The following CRYZ variants were observed in gnomAD, a reference collection of about 807,000 sequenced individuals.
The protein encoded by CRYZ is zeta-crystallin.
Under a neutral mutation model 34.1 loss-of-function variants are expected in CRYZ, and 35 were observed. That is an observed-to-expected ratio of 1.03 (90% CI 0.78 to 1.36). The LOEUF (loss-of-function observed/expected upper bound fraction) is 1.36. CRYZ is among the 40% of genes most tolerant of loss of function. CRYZ has a pLI of 0.00. For missense variants in CRYZ, 403 were observed against 391.8 expected (o/e 1.03, Z -0.24); for synonymous variants, 137 against 136.5 (o/e 1.00, Z -0.03).
chr1:74,729,630 G>C (rs571076316), intron 1 of CRYZ, among the ~76,000 whole-genome samples: 2 of 146,284 alleles, frequency 1.4e-5, no homozygotes, highest in Non-Finnish European at 3.0e-5. Context: ...CTGGGTGACA[G>C]AGTGAGACCC....
At chr1:74,721,672 T>C (rs915735403) in intron 3 of CRYZ, among the ~76,000 whole-genome samples, 6 of 152,172 alleles carry the variant, frequency 3.9e-5, no homozygotes, top group Non-Finnish European at 8.8e-5. Context: ...AAAACAGTTC[T>C]AGTAAGGGAA....
intron 4 of CRYZ, among the ~76,000 whole-genome samples, chr1:74,717,019 G>A (rs1479929818): frequency 6.6e-6 from 1 of 152,054 alleles, no homozygotes; most frequent in East Asian, 1.9e-4. Flanking sequence ...ATTGTGAAAA[G>A]TGACGCAATC....
chr1:74,729,932 G>A (rs1471084570), intron 1 of CRYZ, among the ~76,000 whole-genome samples: 1 of 151,928 alleles, frequency 6.6e-6, no homozygotes, highest in African/African-American at 2.4e-5. Context: ...GCCCCACCCT[G>A]CCCCTAGCTT....
At chr1:74,724,239 G>A (rs1047651481) in intron 2 of CRYZ, among the ~76,000 whole-genome samples, 3 of 152,140 alleles carry the variant, frequency 2.0e-5, no homozygotes, top group South Asian at 2.1e-4. Flanking sequence ...GAGCCATGGA[G>A]GGTGCAGTAA....
chr1:74,730,626 T>A (rs1032134465), intron 1 of CRYZ, among the ~76,000 whole-genome samples: 20 of 152,230 alleles, frequency 1.3e-4, no homozygotes, highest in Admixed American at 9.8e-4. Context: ...ATCCATTTTA[T>A]GGATGAGAAA....
intron 5 of CRYZ, 110 bp downstream of exon 5, chr1:74,714,469 G>T: frequency 1.0e-6 from 1 of 995,942 alleles, no homozygotes; most frequent in South Asian, 1.6e-5. Context: ...AAGAAAAAAA[G>T]CACCTTTGAC....
At chr1:74,711,823 G>A (rs566803028) in intron 5 of CRYZ, among the ~76,000 whole-genome samples, 1 of 152,192 alleles carries the variant, frequency 6.6e-6, no homozygotes, top group Admixed American at 6.5e-5. Flanking sequence ...TACGGGCGAA[G>A]ATGTTCAGCA....
chr1:74,719,500 AT>A (rs60522431), intron 3 of CRYZ, 128 bp from the exon 4 acceptor site: 51,345 of 623,642 alleles, frequency 0.082, no homozygotes, highest in East Asian at 0.12. Context: ...CATATAAATA[AT>A]TTTTTTTTTT....
intron 1 of CRYZ, among the ~76,000 whole-genome samples, chr1:74,729,646 C>CAA (rs143083074): frequency 3.0e-3 from 208 of 68,466 alleles, no homozygotes; most frequent in African/African-American, 0.01. Flanking sequence ...GACCCTGTCT[C>CAA]AAAAAAAAAA....
intron 1 of CRYZ, among the ~76,000 whole-genome samples, chr1:74,728,613 G>C (rs1258575939): frequency 6.6e-6 from 1 of 152,148 alleles, no homozygotes. Context: ...GGACTACTCA[G>C]AACAGAGCCC....
At chr1:74,732,887 T>C (rs1647922124) in intron 1 of CRYZ, 69 bp downstream of exon 1, 3 of 226,644 alleles carry the variant, frequency 1.3e-5, no homozygotes, top group South Asian at 1.6e-4. Flanking sequence ...TCAAACTCGG[T>C]TCCACTTGGA....
chr1:74,726,503 C>G (rs28804147), intron 1 of CRYZ, among the ~76,000 whole-genome samples: 1 of 152,046 alleles, frequency 6.6e-6, no homozygotes, highest in Non-Finnish European at 1.5e-5. Context: ...GCCCTGGGCC[C>G]GGCCCAGGAA....
In CRYZ at chr1:74,723,164, A is replaced by T; in HGVS notation, c.218T>A (p.Val73Glu). 1 of 1,614,012 alleles carries T rather than the reference A, an allele frequency of 6.2e-7. No individual in the cohort carries two copies. The change falls in exon 3 of 9, where the codon GTG becomes GAG. Residue 73 changes from valine to glutamate, a missense_variant. Transcript: ENST00000340866. ...PLLPYTPGSDVAGVIEAVGDN... is the reference protein window; with the variant it reads ...PLLPYTPGSDEAGVIEAVGDN... ...TCCAACAGCTTCTATCACCCCAGCC[A>T]CATCTGAGCCAGGAGTATAGGGTAA...
chr1:74,713,749 C>T (rs944693992), intron 5 of CRYZ, among the ~76,000 whole-genome samples: 1 of 152,170 alleles, frequency 6.6e-6, no homozygotes, highest in African/African-American at 2.4e-5. Context: ...ATACACAGTG[C>T]TCTGAAATGG....
At chr1:74,723,458 A>G (rs917301891) in intron 2 of CRYZ, among the ~76,000 whole-genome samples, 188 bp from the exon 3 acceptor site, 2 of 152,256 alleles carry the variant, frequency 1.3e-5, no homozygotes, top group Non-Finnish European at 2.9e-5. Flanking sequence ...AGAATGGCTT[A>G]TGTACTGCAT....
At chr1:74,724,616 TA>T in intron 2 of CRYZ, 94 bp downstream of exon 2, 2 of 776,466 alleles carry the variant, frequency 2.6e-6, no homozygotes, top group Middle Eastern at 2.8e-4. Flanking sequence ...TCAATGTTTT[TA>T]AAAATAATTG....
At chr1:74,710,464 C>T (rs1646986996) in intron 5 of CRYZ, among the ~76,000 whole-genome samples, 1 of 152,178 alleles carries the variant, frequency 6.6e-6, no homozygotes, top group South Asian at 2.1e-4. Context: ...TTTATTCTAT[C>T]CTCACAATGA....
At position 74,719,130 on chromosome 1, in the gene CRYZ, G is replaced by A; in HGVS notation, c.428+79C>T. On this transcript the variant is annotated intron_variant, in intron 4 of 8. Coordinates refer to ENST00000340866, the MANE Select transcript of CRYZ (RefSeq NM_001889.4). ...AACCAAATATGATGAACAGATGGAT[G>A]GACAGACAGCTAGAAGGCAGGCAGT... is the stretch of plus-strand genomic sequence containing the variant. The A allele has an allele frequency of 2.1e-6, 3 of 1,407,756 alleles. No homozygotes were observed. In the South Asian group the frequency reaches 3.7e-5, roughly 18 times the overall value. 87.2% of individuals were successfully genotyped at this position (1,407,756 alleles called of 1,614,324 possible). A position where few individuals can be genotyped will look rare whatever the true frequency, so the allele number is the denominator to read the frequency against.
At chr1:74,711,511 T>C (rs1324749706) in intron 5 of CRYZ, among the ~76,000 whole-genome samples, 1 of 152,124 alleles carries the variant, frequency 6.6e-6, no homozygotes, top group Admixed American at 6.5e-5. Flanking sequence ...AAGAGAAAAA[T>C]ACAGGCTGTC....
Sources: allele counts gnomAD v4.1 joint callset (sites outside exome capture counted in the v4.1 genomes callset), GRCh38; gene constraint gnomAD v4.1.1; transcripts MANE v1.5; gene names NCBI Gene and HGNC (gene_info 2026-07-23, HGNC 2026-07-21).